KCNIP4: variants seen among roughly 807,000 people sequenced by gnomAD.
KCNIP4 encodes the protein Kv channel-interacting protein 4.
In KCNIP4, 12 loss-of-function variants were observed where a neutral mutation model predicts 34.0. The ratio of observed to expected loss-of-function variants is 0.35; its 90% CI spans 0.23 to 0.57. The LOEUF (loss-of-function observed/expected upper bound fraction) is 0.57. KCNIP4 is among the 20% of genes least tolerant of loss of function. The pLI is 0.83. For missense variants in KCNIP4, 238 were observed against 311.7 expected (o/e 0.76, Z 1.78); for synonymous variants, 124 against 102.2 (o/e 1.21, Z -1.29).
At chr4:21,898,510 C>T (rs1196850380) in intron 1 of KCNIP4, among the ~76,000 whole-genome samples, 1 of 152,094 alleles carries the variant, frequency 6.6e-6, no homozygotes, top group Non-Finnish European at 1.5e-5. Flanking sequence ...CTTAGCTCCC[C>T]AATAACATTT....
chr4:21,910,243 G>T (rs2874977), intron 1 of KCNIP4, among the ~76,000 whole-genome samples: 101,539 of 151,940 alleles, frequency 0.67, 34,657 homozygotes, highest in Non-Finnish European at 0.73. Flanking sequence ...CAGCCAGCTG[G>T]AGTCATCAGC....
intron 1 of KCNIP4, among the ~76,000 whole-genome samples, chr4:21,632,091 A>G (rs1464545771): frequency 6.6e-6 from 1 of 152,114 alleles, no homozygotes; most frequent in East Asian, 1.9e-4. Flanking sequence ...CCTTTTTTAT[A>G]TCCCTGGTTG....
intron 1 of KCNIP4, among the ~76,000 whole-genome samples, chr4:21,113,454 TTAAAAAAAAAAAA>T (rs1749410648): frequency 9.0e-5 from 5 of 55,662 alleles, no homozygotes; most frequent in Admixed American, 2.1e-4. Flanking sequence ...ATCTATAAGT[TTAAAAAAAAAAAA>T]AAAAAAAAAA....
intron 1 of KCNIP4, among the ~76,000 whole-genome samples, chr4:21,311,534 C>T (rs1713176170): frequency 6.6e-6 from 1 of 151,932 alleles, no homozygotes; most frequent in Non-Finnish European, 1.5e-5. Flanking sequence ...ACTAAAAATA[C>T]AAAAATTAAC....
At chr4:21,125,995 T>C (rs1750583581) in intron 1 of KCNIP4, among the ~76,000 whole-genome samples, 2 of 152,026 alleles carry the variant, frequency 1.3e-5, no homozygotes, top group Admixed American at 1.3e-4. Flanking sequence ...TTTTTAGTCG[T>C]TACAGTGCAG....
At chr4:21,260,330 G>A (rs1761391150) in intron 1 of KCNIP4, among the ~76,000 whole-genome samples, 6 of 152,160 alleles carry the variant, frequency 3.9e-5, no homozygotes, top group African/African-American at 1.4e-4. Flanking sequence ...ATAATATGAA[G>A]AGGCAAAGCC....
intron 1 of KCNIP4, among the ~76,000 whole-genome samples, chr4:21,572,493 G>T (rs947725136): frequency 3.3e-5 from 5 of 152,024 alleles, no homozygotes; most frequent in Admixed American, 3.3e-4. Context: ...GGTCAAAAGG[G>T]ACCTTACTGT....
At chr4:21,538,025 A>T (rs1026174545) in intron 1 of KCNIP4, among the ~76,000 whole-genome samples, 2 of 150,578 alleles carry the variant, frequency 1.3e-5, no homozygotes, top group South Asian at 4.2e-4. Context: ...AAAAAAAAAA[A>T]AAAAAAAAAA....
At chr4:21,115,484 C>T (rs1418897601) in intron 1 of KCNIP4, among the ~76,000 whole-genome samples, 1 of 152,022 alleles carries the variant, frequency 6.6e-6, no homozygotes, top group African/African-American at 2.4e-5. Context: ...CATGAATTTC[C>T]TAGACACTTC....
chr4:20,967,858 A>G (rs1734530078), intron 1 of KCNIP4, among the ~76,000 whole-genome samples: 2 of 152,250 alleles, frequency 1.3e-5, no homozygotes, highest in South Asian at 2.1e-4. Context: ...ACCATTCAGG[A>G]CATAGGCATG....
intron 1 of KCNIP4, among the ~76,000 whole-genome samples, chr4:21,541,299 T>G (rs1411111928): frequency 6.6e-6 from 1 of 151,914 alleles, no homozygotes; most frequent in Non-Finnish European, 1.5e-5. Flanking sequence ...CTGATAAAAT[T>G]CCCAACTTGT....
intron 3 of KCNIP4, among the ~76,000 whole-genome samples, chr4:20,807,459 C>T (rs1260891711): frequency 6.6e-6 from 1 of 151,684 alleles, no homozygotes; most frequent in East Asian, 1.9e-4. Context: ...TCCATAAGAC[C>T]CATGAGTTGA....
intron 1 of KCNIP4, among the ~76,000 whole-genome samples, chr4:21,335,405 C>T (rs949284666): frequency 6.6e-6 from 1 of 152,086 alleles, no homozygotes; most frequent in Non-Finnish European, 1.5e-5. Context: ...CTGGGCATAG[C>T]CAGCACATAG....
chr4:21,594,287 T>C (rs1300160848), intron 1 of KCNIP4, among the ~76,000 whole-genome samples: 1 of 152,126 alleles, frequency 6.6e-6, no homozygotes, highest in Non-Finnish European at 1.5e-5. Flanking sequence ...AATTCAATAT[T>C]TTTGAAATGA....
chr4:20,922,844 G>A (rs999437948), intron 1 of KCNIP4, among the ~76,000 whole-genome samples: 2 of 152,056 alleles, frequency 1.3e-5, no homozygotes, highest in Non-Finnish European at 2.9e-5. Flanking sequence ...TAAAAATATT[G>A]TTTATAGAAT....
intron 1 of KCNIP4, among the ~76,000 whole-genome samples, chr4:21,025,552 T>TGG (rs199781451): frequency 1.4e-4 from 10 of 72,688 alleles, no homozygotes; most frequent in African/African-American, 5.1e-4. Flanking sequence ...TGTTTTTTTT[T>TGG]TTTTTTTTTT....
intron 3 of KCNIP4, among the ~76,000 whole-genome samples, chr4:20,777,361 G>A (rs183736154): frequency 8.5e-5 from 13 of 152,292 alleles, no homozygotes; most frequent in Non-Finnish European, 1.8e-4. Context: ...CAGAACACAT[G>A]GGGATTATGG....
At chr4:21,728,862 C>T (rs1313256238) in intron 1 of KCNIP4, among the ~76,000 whole-genome samples, 2 of 152,026 alleles carry the variant, frequency 1.3e-5, no homozygotes, top group African/African-American at 2.4e-5. Context: ...TGAGACTTTC[C>T]AAGACCACCC....
chr4:21,311,334 C>G (rs13151688), intron 1 of KCNIP4, among the ~76,000 whole-genome samples: 1 of 151,950 alleles, frequency 6.6e-6, no homozygotes, highest in African/African-American at 2.4e-5. Flanking sequence ...ACCCATGAAG[C>G]TGACCACCAT....
Sources: gnomAD v4.1 joint callset for allele counts (sites outside exome capture counted in the v4.1 genomes callset) on GRCh38, gnomAD v4.1.1 for gene constraint, MANE v1.5 for transcripts, NCBI Gene and HGNC (gene_info 2026-07-23, HGNC 2026-07-21) for gene names.